Variants in PPARGC1A observed in about 807,000 individuals in gnomAD.
PPARGC1A encodes PPARG coactivator 1 alpha.
A neutral mutation model predicts 88.7 loss-of-function variants in PPARGC1A; 25 were observed. The observed-to-expected ratio is 0.28, with a 90% CI of 0.21 to 0.39. The LOEUF is 0.39. Ranked by LOEUF, PPARGC1A falls within the 10% of genes least tolerant of loss-of-function variation. PPARGC1A has a pLI of 1.00. For synonymous variants in PPARGC1A, 363 were observed against 355.6 expected, an observed-to-expected ratio of 1.02 and a Z score of -0.24; for missense variants, 880 against 968.7, an observed-to-expected ratio of 0.91 and a Z score of 1.22.
At chr4:24,398,536 C>A in the PPARGC1A span, among the ~76,000 whole-genome samples, 242 of 152,142 alleles carry the variant, frequency 1.6e-3, 2 homozygotes, top group African/African-American at 5.7e-3. Context: ...TTTCAGTTCT[C>A]TTCTTTCATT....
At chr4:24,437,143 T>C in the PPARGC1A span, among the ~76,000 whole-genome samples, 2 of 152,216 alleles carry the variant, frequency 1.3e-5, no homozygotes, top group South Asian at 2.1e-4. Flanking sequence ...CGCATGGCAA[T>C]GTCAGATTGG....
chr4:24,042,055 C>T, the PPARGC1A span, among the ~76,000 whole-genome samples: 5 of 152,022 alleles, frequency 3.3e-5, no homozygotes, highest in African/African-American at 1.2e-4. Context: ...TGTTTTCCAC[C>T]AGTCATGGTT....
the PPARGC1A span, among the ~76,000 whole-genome samples, chr4:24,088,663 T>A: frequency 6.6e-6 from 1 of 152,144 alleles, no homozygotes; most frequent in Non-Finnish European, 1.5e-5. Flanking sequence ...GAGTAAGGGT[T>A]AAAAAAATAA....
At chr4:24,122,818 G>A in the PPARGC1A span, among the ~76,000 whole-genome samples, 2 of 152,164 alleles carry the variant, frequency 1.3e-5, no homozygotes, top group African/African-American at 4.8e-5. Context: ...CCAGAGTGAT[G>A]CCACTAGCGA....
intron 2 of PPARGC1A, among the ~76,000 whole-genome samples, chr4:23,860,642 T>A (rs1415554838): frequency 6.6e-6 from 1 of 152,132 alleles, no homozygotes; most frequent in Non-Finnish European, 1.5e-5. Context: ...ACCACTAAAC[T>A]CAATGGCAGA....
chr4:23,940,968 G>A, the PPARGC1A span, among the ~76,000 whole-genome samples: 7 of 152,168 alleles, frequency 4.6e-5, no homozygotes, highest in Non-Finnish European at 8.8e-5. Flanking sequence ...TTCCTAGAAT[G>A]TCTCATAAAA....
chr4:24,240,176 TCA>T, the PPARGC1A span, among the ~76,000 whole-genome samples: 1 of 152,182 alleles, frequency 6.6e-6, no homozygotes, highest in Non-Finnish European at 1.5e-5. Context: ...ATATTAAGGC[TCA>T]CAAGGAATAT....
chr4:23,973,717 A>G, the PPARGC1A span, among the ~76,000 whole-genome samples: 3 of 152,200 alleles, frequency 2.0e-5, no homozygotes, highest in Admixed American at 1.3e-4. Flanking sequence ...AGTTTTTTTT[A>G]AAGTGTTCCT....
chr4:24,430,318 G>A, the PPARGC1A span, among the ~76,000 whole-genome samples: 1 of 147,402 alleles, frequency 6.8e-6, no homozygotes, highest in South Asian at 2.2e-4. Flanking sequence ...GAGTGCAGTG[G>A]CGCGATCTCA....
the PPARGC1A span, among the ~76,000 whole-genome samples, chr4:24,247,963 C>T: frequency 6.6e-6 from 1 of 152,238 alleles, no homozygotes; most frequent in East Asian, 1.9e-4. Context: ...CAGAGTTTCC[C>T]TTCCCTTTCC....
chr4:24,296,026 G>A, the PPARGC1A span, among the ~76,000 whole-genome samples: 17 of 124,504 alleles, frequency 1.4e-4, no homozygotes, highest in African/African-American at 2.7e-4. Flanking sequence ...ATATGTATAT[G>A]TGTGTATATA....
chr4:23,844,168 T>A (rs1727563303), intron 2 of PPARGC1A, among the ~76,000 whole-genome samples: 1 of 150,058 alleles, frequency 6.7e-6, no homozygotes, highest in Admixed American at 6.7e-5. Context: ...AGTATACATA[T>A]GTGTGTATAT....
At chr4:24,281,553 C>T in the PPARGC1A span, among the ~76,000 whole-genome samples, 6 of 152,216 alleles carry the variant, frequency 3.9e-5, no homozygotes, top group South Asian at 2.1e-4. Flanking sequence ...ATGACCACAA[C>T]ACCTCCCATT....
At chr4:23,931,216 C>T in the PPARGC1A span, among the ~76,000 whole-genome samples, 1 of 152,026 alleles carries the variant, frequency 6.6e-6, no homozygotes, top group Non-Finnish European at 1.5e-5. Flanking sequence ...GTGTGTGTCA[C>T]GCGTTATGCC....
the PPARGC1A span, among the ~76,000 whole-genome samples, chr4:24,290,321 C>T: frequency 7.2e-5 from 11 of 152,026 alleles, no homozygotes; most frequent in East Asian, 1.9e-4. Flanking sequence ...ACCCATCACC[C>T]GAGCAGTATA....
At chr4:24,086,005 C>T in the PPARGC1A span, among the ~76,000 whole-genome samples, 12 of 152,124 alleles carry the variant, frequency 7.9e-5, no homozygotes, top group Non-Finnish European at 1.3e-4. Context: ...ACAGAGTAAG[C>T]TCTGTGTTTG....
At chr4:24,329,610 C>T in the PPARGC1A span, among the ~76,000 whole-genome samples, 1 of 152,176 alleles carries the variant, frequency 6.6e-6, no homozygotes, top group African/African-American at 2.4e-5. Flanking sequence ...CGGCAAAGAT[C>T]AGGCAAGCTC....
At chr4:24,079,658 T>C in the PPARGC1A span, among the ~76,000 whole-genome samples, 1 of 152,022 alleles carries the variant, frequency 6.6e-6, no homozygotes, top group African/African-American at 2.4e-5. Context: ...AGAGGCCTTC[T>C]CATCCCATGA....
Position 23,844,875 on chromosome 4 carries a change from T to TAC in PPARGC1A, c.235-13126_235-13125dup, listed in dbSNP as rs33929841. On this transcript the variant is annotated intron_variant, in intron 2 of 12. Transcript: ENST00000264867. The stretch of plus-strand genomic sequence containing the variant: ...ATTATAATATATGATATATATTATA[T>TAC]ACACACACACACACATACATACAGA... 5.4e-4 allele frequency among the ~76,000 whole-genome samples: 35 copies of TAC among 64,886 alleles called. 1 individual carries two copies. Among genetic ancestry groups the TAC allele is most frequent in the Middle Eastern group, 8.3e-3 (1 of 120 alleles). 42.6% of individuals were successfully genotyped at this position (64,886 alleles called of 152,430 possible).
Sources: gnomAD v4.1 joint callset for allele counts (sites outside exome capture counted in the v4.1 genomes callset) on GRCh38, gnomAD v4.1.1 for gene constraint, MANE v1.5 for transcripts, NCBI Gene and HGNC (gene_info 2026-07-23, HGNC 2026-07-21) for gene names.